The following WDR7 variants were observed in gnomAD, a reference collection of about 807,000 sequenced individuals.
WDR7 encodes WD repeat-containing protein 7.
WDR7 carries 46 observed loss-of-function variants against 169.4 expected under a neutral mutation model. The ratio of observed to expected loss-of-function variants is 0.27; its 90% CI spans 0.21 to 0.35. The LOEUF (loss-of-function observed/expected upper bound fraction) is 0.35. Among genes scored for constraint, WDR7 ranks in the 10% least tolerant of loss-of-function variants. The pLI is 1.00. For synonymous variants in WDR7, 612 were observed against 666.8 expected, an observed-to-expected ratio of 0.92 and a Z score of 1.27; for missense variants, 1,534 against 1,859.3, an observed-to-expected ratio of 0.83 and a Z score of 3.22.
chr18:56,875,506 G>T (rs1423196209), intron 20 of WDR7, among the ~76,000 whole-genome samples: 1 of 152,100 alleles, frequency 6.6e-6, no homozygotes, highest in Non-Finnish European at 1.5e-5. Context: ...ATATAAATTG[G>T]AATGTGCATA....
At chr18:56,891,913 A>G (rs1226036731) in intron 21 of WDR7, among the ~76,000 whole-genome samples, 1 of 152,044 alleles carries the variant, frequency 6.6e-6, no homozygotes, top group African/African-American at 2.4e-5. Flanking sequence ...TCTCATTTCA[A>G]CCACATCAGC....
At chr18:56,941,859 T>C (rs2047039431) in intron 25 of WDR7, among the ~76,000 whole-genome samples, 1 of 151,846 alleles carries the variant, frequency 6.6e-6, no homozygotes, top group South Asian at 2.1e-4. Flanking sequence ...TGAGCGAGAG[T>C]GTCTGGCGTG....
chr18:56,682,985 AT>A, intron 5 of WDR7, 132 bp downstream of exon 5: 1 of 968,166 alleles, frequency 1.0e-6, no homozygotes, highest in Non-Finnish European at 1.5e-6. Context: ...TACACCAATA[AT>A]TTATGGTCTG....
chr18:56,872,638 A>G (rs974015275), intron 20 of WDR7: 3 of 152,172 alleles, frequency 2.0e-5, no homozygotes, highest in African/African-American at 7.2e-5. Context: ...GCAACTTAAA[A>G]TGTAGAACAT....
chr18:56,799,164 A>C (rs2044630691), intron 19 of WDR7, among the ~76,000 whole-genome samples: 1 of 152,184 alleles, frequency 6.6e-6, no homozygotes, highest in Non-Finnish European at 1.5e-5. Flanking sequence ...TGTCCAGCAT[A>C]GCCAGTCACT....
rs750445710 is a variant in WDR7 at position 56,962,581 on chromosome 18, G to GGA, written c.4164+61_4164+62dup. 5 of 1,547,252 alleles carry GGA rather than the reference G, an allele frequency of 3.2e-6. No individual in the cohort carries two copies. The South Asian group carries it at 5.6e-5, about 17-fold the overall frequency. ...CCATAAAGCGTGGAAGTTATTGAAA[G>GGA]GAGAGAGAGACTAGCACTTCACCAG... is the stretch of plus-strand genomic sequence containing the variant. On this transcript the variant is annotated intron_variant, in intron 26 of 27. Coordinates refer to ENST00000254442, the MANE Select transcript of WDR7 (RefSeq NM_015285.3).
At chr18:56,725,567 G>C (rs1388612618) in intron 13 of WDR7, among the ~76,000 whole-genome samples, 1 of 152,146 alleles carries the variant, frequency 6.6e-6, no homozygotes. Flanking sequence ...TTTGTCAGAT[G>C]AGTAGATTGC....
intron 13 of WDR7, among the ~76,000 whole-genome samples, chr18:56,727,323 A>G (rs939692862): frequency 6.6e-6 from 1 of 151,678 alleles, no homozygotes. Flanking sequence ...ATTTTTAAAA[A>G]CAGGTTTAGT....
At chr18:56,691,192 T>C (rs1246219803) in intron 7 of WDR7, 24 bp from the exon 8 acceptor site, 2 of 1,598,322 alleles carry the variant, frequency 1.3e-6, no homozygotes, top group Non-Finnish European at 1.7e-6. Context: ...TGGAGTAGAT[T>C]GTGAATTTCT....
Position 56,811,640 on chromosome 18 carries a change from T to G in WDR7, c.3191-4391T>G, listed in dbSNP as rs183607405. On this transcript the variant is annotated intron_variant, in intron 19 of 27. Transcript: ENST00000254442. ...TTAGATTTCAGTCCATGATCTACTT[T>G]GAGTTACTATTTATATAAATTATGA... Among the ~76,000 whole-genome samples, 174 of 152,276 alleles carry G rather than the reference T, an allele frequency of 1.1e-3. 1 individual carries two copies. Among genetic ancestry groups the G allele is most frequent in the African/African-American group, 4.0e-3 (168 of 41,568 alleles).
chr18:56,988,769 T>C (rs1265563706), intron 26 of WDR7, among the ~76,000 whole-genome samples: 1 of 152,116 alleles, frequency 6.6e-6, no homozygotes, highest in East Asian at 1.9e-4. Flanking sequence ...GGAAGTTCTA[T>C]AGGGAATATT....
intron 12 of WDR7, among the ~76,000 whole-genome samples, chr18:56,703,619 T>C (rs1031768411): frequency 1.3e-5 from 2 of 152,110 alleles, no homozygotes; most frequent in Middle Eastern, 3.2e-3. Context: ...TTCATATATT[T>C]TTATGTATTT....
At chr18:56,753,827 C>G (rs533818398) in intron 14 of WDR7, among the ~76,000 whole-genome samples, 151 of 151,944 alleles carry the variant, frequency 9.9e-4, no homozygotes, top group Middle Eastern at 6.8e-3. Flanking sequence ...TGTTAAAGCT[C>G]GGAAGGTATT....
At chr18:56,873,310 T>A (rs1432086247) in intron 20 of WDR7, among the ~76,000 whole-genome samples, 3 of 152,214 alleles carry the variant, frequency 2.0e-5, no homozygotes, top group Non-Finnish European at 4.4e-5. Flanking sequence ...AATTAAGATT[T>A]CATATTTTGG....
At chr18:56,874,568 G>A (rs993168719) in intron 20 of WDR7, among the ~76,000 whole-genome samples, 4 of 151,794 alleles carry the variant, frequency 2.6e-5, no homozygotes, top group South Asian at 2.1e-4. Flanking sequence ...CATTGGAGGG[G>A]CATCATTATT....
chr18:56,966,995 C>T (rs2047417561), intron 26 of WDR7, among the ~76,000 whole-genome samples: 1 of 152,118 alleles, frequency 6.6e-6, no homozygotes, highest in African/African-American at 2.4e-5. Context: ...AGGTAAAATT[C>T]TTAGCCAGCA....
chr18:56,916,347 T>C (rs2046625398), intron 21 of WDR7, among the ~76,000 whole-genome samples: 1 of 146,792 alleles, frequency 6.8e-6, no homozygotes. Context: ...AATTCCCACC[T>C]ATGAGTGAGA....
At chr18:56,744,457 G>C (rs1361642882) in intron 14 of WDR7, among the ~76,000 whole-genome samples, 1 of 151,832 alleles carries the variant, frequency 6.6e-6, no homozygotes, top group Non-Finnish European at 1.5e-5. Flanking sequence ...GGGAAGGAGG[G>C]GTCTAAGAGC....
chr18:56,654,819 T>C lies in WDR7; in HGVS notation c.-20+3243T>C, dbSNP rs117306511. ...GTTTTCTTTTAAACTTATTGGTCTT[T>C]AATACATGCAGAGTTTAACTTTTTA... On this transcript the variant is annotated intron_variant, in intron 1 of 27. Transcript: ENST00000254442. 9.7e-3 allele frequency among the ~76,000 whole-genome samples: 1,476 copies of C among 152,344 alleles called. 9 individuals are homozygous for C. The highest frequency in any genetic ancestry group is 0.015 in the Non-Finnish European group (1,003 of 68,034).
Sources: allele counts gnomAD v4.1 joint callset (sites outside exome capture counted in the v4.1 genomes callset), GRCh38; gene constraint gnomAD v4.1.1; transcripts MANE v1.5; gene names NCBI Gene and HGNC (gene_info 2026-07-23, HGNC 2026-07-21).